Variants in RBFOX1 observed in about 807,000 individuals in gnomAD.
RBFOX1 encodes the protein RNA binding protein fox-1 homolog 1.
In RBFOX1, 8 loss-of-function variants were observed where a neutral mutation model predicts 57.7. The observed-to-expected ratio is 0.14, with a 90% CI of 0.08 to 0.25. The LOEUF is 0.25. RBFOX1 is among the 10% of genes least tolerant of loss of function. The pLI, the probability that RBFOX1 is intolerant of heterozygous loss-of-function variation, is 1.00. For synonymous variants in RBFOX1, 326 were observed against 222.4 expected, an observed-to-expected ratio of 1.47 and a Z score of -4.15; for missense variants, 611 against 548.5, an observed-to-expected ratio of 1.11 and a Z score of -1.14.
chr16:5,409,487 A>G (rs958441999), intron 1 of RBFOX1, among the ~76,000 whole-genome samples: 8 of 152,250 alleles, frequency 5.3e-5, no homozygotes, highest in African/African-American at 1.7e-4. Flanking sequence ...CTTCAAAATC[A>G]TTGATTCTTA....
intron 3 of RBFOX1, among the ~76,000 whole-genome samples, chr16:6,817,093 A>G (rs1481153608): frequency 2.6e-5 from 4 of 152,164 alleles, no homozygotes; most frequent in Non-Finnish European, 4.4e-5. Flanking sequence ...CTTGACATCT[A>G]GGTGACTGTG....
chr16:6,311,295 CAAAAA>C (rs71145210), intron 1 of RBFOX1, among the ~76,000 whole-genome samples: 3,824 of 91,236 alleles, frequency 0.042, 61 homozygotes, highest in African/African-American at 0.077. Context: ...GACTCTGTCT[CAAAAA>C]AAAAAAAAAA....
rs186872346 is a variant in RBFOX1, at chr16:6,823,789, C to G, written c.-16+169139C>G. 4.9e-4 allele frequency among the ~76,000 whole-genome samples: 74 copies of G among 151,906 alleles called. 1 individual carries two copies. The East Asian group carries it at 0.011, about 23-fold the overall frequency. ...GTTCTAGTTGTTGCAGATAGGAAAACTAATAATAGGAGATTCCTACCTCTG... is the reference window on the plus strand; with the variant it reads ...GTTCTAGTTGTTGCAGATAGGAAAAGTAATAATAGGAGATTCCTACCTCTG... On this transcript the variant is annotated intron_variant, in intron 3 of 15. Transcript: ENST00000550418.
chr16:6,901,266 C>T lies in RBFOX1; in HGVS notation c.-15-150791C>T, dbSNP rs141204419. Among the ~76,000 whole-genome samples the T allele has an allele frequency of 4.7e-3, 716 of 152,286 alleles. 4 individuals are homozygous for T. Among genetic ancestry groups the T allele is most frequent in the African/African-American group, 0.016 (685 of 41,562 alleles). ...TCCAGTGAGGACAGAATTGCTTGTTCATCTCTTCTGTCTAAGCCCATCCCT... is the reference window on the plus strand; with the variant it reads ...TCCAGTGAGGACAGAATTGCTTGTTTATCTCTTCTGTCTAAGCCCATCCCT... On this transcript the variant is annotated intron_variant, in intron 3 of 15. Transcript: ENST00000550418.
chr16:6,847,188 C>G (rs192708586), intron 3 of RBFOX1, among the ~76,000 whole-genome samples: 39 of 152,294 alleles, frequency 2.6e-4, no homozygotes, highest in African/African-American at 8.4e-4. Flanking sequence ...CTTCCAGGGA[C>G]TTAATATTGG....
intron 3 of RBFOX1, among the ~76,000 whole-genome samples, chr16:5,777,697 A>G (rs2054191635): frequency 6.6e-6 from 1 of 152,226 alleles, no homozygotes. Context: ...GTAGTGATGA[A>G]AAGTGACCAT....
chr16:7,644,322 A>C (rs2063353107), intron 11 of RBFOX1, among the ~76,000 whole-genome samples: 2 of 152,196 alleles, frequency 1.3e-5, no homozygotes, highest in Admixed American at 6.5e-5. Context: ...AAGTGCTAGT[A>C]AATCCTAGCT....
chr16:6,233,839 G>C (rs1040555308), intron 1 of RBFOX1, among the ~76,000 whole-genome samples: 1 of 152,032 alleles, frequency 6.6e-6, no homozygotes, highest in Non-Finnish European at 1.5e-5. Context: ...ACTCTCTCTG[G>C]AACTTTCCTA....
chr16:5,573,823 G>A lies in RBFOX1; in HGVS notation c.259-25079G>A, dbSNP rs868620064. Among the ~76,000 whole-genome samples, 53 of 152,246 alleles carry A rather than the reference G, an allele frequency of 3.5e-4. 2 individuals are homozygous for A. Among genetic ancestry groups the A allele is most frequent in the Admixed American group, 1.6e-3 (25 of 15,292 alleles). ...CAAAAAATAGGCTGGGTGTGGTGGC[G>A]TGTGCCTGTAGTCCCAGCTACTTGG... On this transcript the variant is annotated intron_variant, in intron 2 of 2. Transcript: ENST00000585867.
At chr16:5,819,730 T>A (rs566702364) in intron 3 of RBFOX1, among the ~76,000 whole-genome samples, 1 of 152,316 alleles carries the variant, frequency 6.6e-6, no homozygotes, top group South Asian at 2.1e-4. Context: ...ACCAGGTGAA[T>A]CACAGCTTAT....
At chr16:7,099,524 C>G (rs1410849205) in intron 4 of RBFOX1, among the ~76,000 whole-genome samples, 1 of 152,180 alleles carries the variant, frequency 6.6e-6, no homozygotes, top group Non-Finnish European at 1.5e-5. Flanking sequence ...CAACAAGTAT[C>G]TGAGACAAGT....
At chr16:7,558,799 A>G (rs1434145365) in intron 5 of RBFOX1, among the ~76,000 whole-genome samples, 2 of 152,224 alleles carry the variant, frequency 1.3e-5, no homozygotes, top group Non-Finnish European at 2.9e-5. Context: ...TATTGAGCCA[A>G]TGCCATAAGC....
intron 3 of RBFOX1, among the ~76,000 whole-genome samples, chr16:6,975,859 G>T (rs2086708887): frequency 6.6e-6 from 1 of 152,136 alleles, no homozygotes; most frequent in Non-Finnish European, 1.5e-5. Flanking sequence ...GGGTATGGTG[G>T]TGCACACCTG....
intron 4 of RBFOX1, among the ~76,000 whole-genome samples, chr16:7,442,704 A>T (rs1315023011): frequency 6.6e-5 from 10 of 152,082 alleles, no homozygotes; most frequent in Admixed American, 3.9e-4. Flanking sequence ...ATCTTTTACG[A>T]GGGTGGATGG....
intron 3 of RBFOX1, among the ~76,000 whole-genome samples, chr16:6,854,662 T>G (rs1434311415): frequency 6.9e-6 from 1 of 144,642 alleles, no homozygotes; most frequent in African/African-American, 2.6e-5. Flanking sequence ...TGGCGCTATC[T>G]GGGCTCACTG....
chr16:6,988,636 G>A (rs1047346847), intron 3 of RBFOX1, among the ~76,000 whole-genome samples: 7 of 150,928 alleles, frequency 4.6e-5, no homozygotes, highest in Non-Finnish European at 8.8e-5. Flanking sequence ...GCAGTGGTGC[G>A]ATCTCGGCTC....
chr16:7,180,198 A>G (rs1310025237), intron 4 of RBFOX1, among the ~76,000 whole-genome samples: 3 of 152,180 alleles, frequency 2.0e-5, no homozygotes, highest in Non-Finnish European at 4.4e-5. Context: ...GAACAGTAGC[A>G]ATTTTTATAT....
chr16:7,043,585 A>G (rs951848108), intron 3 of RBFOX1, among the ~76,000 whole-genome samples: 1 of 152,210 alleles, frequency 6.6e-6, no homozygotes, highest in Non-Finnish European at 1.5e-5. Flanking sequence ...CTACCAATTG[A>G]TTTGATATAT....
intron 4 of RBFOX1, among the ~76,000 whole-genome samples, chr16:5,961,980 G>T (rs964204600): frequency 3.3e-5 from 5 of 152,146 alleles, no homozygotes; most frequent in African/African-American, 1.2e-4. Flanking sequence ...GTGGTAGCTC[G>T]ATGAAGGTAT....
Sources: gnomAD v4.1 joint callset for allele counts (sites outside exome capture counted in the v4.1 genomes callset) on GRCh38, gnomAD v4.1.1 for gene constraint, MANE v1.5 for transcripts, NCBI Gene and HGNC (gene_info 2026-07-23, HGNC 2026-07-21) for gene names.